Variants in TUNAR observed in about 807,000 individuals in gnomAD.
TUNAR encodes the protein transmembrane neural differentiation associated intracellular calcium regulator, also known as protein TUNAR.
chr14:95,906,146 A>G (rs1889423666), intron 2 of TUNAR, among the ~76,000 whole-genome samples: 1 of 152,194 alleles, frequency 6.6e-6, no homozygotes, highest in Admixed American at 6.5e-5. Context: ...CACTTCTCCA[A>G]GGAGCCCTGG....
chr14:95,918,669 C>T (rs1217703640), intron 2 of TUNAR, among the ~76,000 whole-genome samples: 1 of 152,180 alleles, frequency 6.6e-6, no homozygotes, highest in African/African-American at 2.4e-5. Context: ...ACACAGCTGA[C>T]CTGATTATTC....
At chr14:95,911,123 C>T (rs1471884757) in intron 2 of TUNAR, among the ~76,000 whole-genome samples, 2 of 152,354 alleles carry the variant, frequency 1.3e-5, no homozygotes, top group African/African-American at 2.4e-5. Context: ...GCATGACTTA[C>T]AAGGGCCTCT....
intron 2 of TUNAR, among the ~76,000 whole-genome samples, chr14:95,904,317 AC>A (rs1334866519): frequency 6.6e-6 from 1 of 152,094 alleles, no homozygotes; most frequent in East Asian, 1.9e-4. Flanking sequence ...GACAGACTGA[AC>A]CCAGGCAAGC....
intron 2 of TUNAR, among the ~76,000 whole-genome samples, chr14:95,894,226 TC>T (rs1793396952): frequency 6.6e-6 from 1 of 152,240 alleles, no homozygotes; most frequent in Admixed American, 6.5e-5. Context: ...GGTCTAGATC[TC>T]CTTTCAATGA....
At chr14:95,877,150 C>G (rs930502678) in exon 2 of TUNAR, 14 of 152,348 alleles carry the variant, frequency 9.2e-5, no homozygotes, top group African/African-American at 3.1e-4. Flanking sequence ...CCCGCGCGCC[C>G]CTCAACCGCC....
intron 2 of TUNAR, among the ~76,000 whole-genome samples, chr14:95,921,525 A>G (rs1889696676): frequency 6.6e-6 from 1 of 152,228 alleles, no homozygotes; most frequent in Non-Finnish European, 1.5e-5. Flanking sequence ...TCGAAAATAA[A>G]AAGTTATTTT....
intron 2 of TUNAR, among the ~76,000 whole-genome samples, chr14:95,889,862 C>A (rs1158097291): frequency 1.3e-5 from 2 of 151,968 alleles, no homozygotes. Context: ...ATCCGTGAAT[C>A]CTCCACTCAA....
intron 2 of TUNAR, among the ~76,000 whole-genome samples, chr14:95,885,990 C>G (rs554440248): frequency 1.3e-5 from 2 of 152,114 alleles, no homozygotes; most frequent in East Asian, 1.9e-4. Flanking sequence ...TGCTGGGGCT[C>G]GGAAGGAAAG....
At chr14:95,890,728 C>T (rs575526405) in intron 2 of TUNAR, among the ~76,000 whole-genome samples, 2 of 152,334 alleles carry the variant, frequency 1.3e-5, no homozygotes, top group East Asian at 3.9e-4. Flanking sequence ...TTAATCTGCC[C>T]TCTCTCATCA....
chr14:95,912,477 A>G (rs1595124459), intron 2 of TUNAR, among the ~76,000 whole-genome samples: 2 of 152,360 alleles, frequency 1.3e-5, no homozygotes, highest in East Asian at 3.9e-4. Context: ...TTTGAAATAT[A>G]AAAGAACTAG....
intron 2 of TUNAR, among the ~76,000 whole-genome samples, chr14:95,909,961 C>A (rs920430799): frequency 6.6e-6 from 1 of 152,138 alleles, no homozygotes; most frequent in Admixed American, 6.5e-5. Flanking sequence ...GGTTAGAGCC[C>A]CAGCAGGCGG....
intron 2 of TUNAR, among the ~76,000 whole-genome samples, chr14:95,913,309 C>T (rs1889548409): frequency 6.6e-6 from 1 of 152,026 alleles, no homozygotes; most frequent in African/African-American, 2.4e-5. Flanking sequence ...TAATGCTCTC[C>T]CTCCCCTTGT....
At position 95,895,578 on chromosome 14, in the gene TUNAR, G is replaced by A. The variant is rs1006303626; in HGVS notation, c.12+18401G>A. 1.3e-5 allele frequency among the ~76,000 whole-genome samples: 2 copies of A among 152,112 alleles called. No homozygotes were observed. Among genetic ancestry groups the A allele is most frequent in the Admixed American group, 6.5e-5 (1 of 15,276 alleles). ...GACGCATCCTCCAGGATCATGGTTCGCTCAGCCTCACATTGCTACAAAGTG... is the reference window on the plus strand; with the variant it reads ...GACGCATCCTCCAGGATCATGGTTCACTCAGCCTCACATTGCTACAAAGTG... On this transcript the variant is annotated intron_variant, in intron 2 of 2. Transcript: ENST00000678517. This position sits in a 1 kb window ranked among gnomAD's most constrained non-coding sequence, Gnocchi z 4.5.
intron 2 of TUNAR, among the ~76,000 whole-genome samples, chr14:95,919,433 G>A (rs751629152): frequency 6.6e-6 from 1 of 152,256 alleles, no homozygotes; most frequent in Non-Finnish European, 1.5e-5. Context: ...TTTAGGCCAA[G>A]CATGGTGGCT....
At chr14:95,891,661 G>C (rs184210347) in intron 2 of TUNAR, among the ~76,000 whole-genome samples, 1 of 152,346 alleles carries the variant, frequency 6.6e-6, no homozygotes, top group East Asian at 1.9e-4. Context: ...AGCTGTTCCT[G>C]ATCTTGGCTC....
intron 2 of TUNAR, among the ~76,000 whole-genome samples, chr14:95,922,199 G>A (rs1889708237): frequency 6.6e-6 from 1 of 152,068 alleles, no homozygotes; most frequent in Non-Finnish European, 1.5e-5. Flanking sequence ...TTTCTACCAG[G>A]GATTATGAGA....
intron 2 of TUNAR, among the ~76,000 whole-genome samples, chr14:95,901,542 T>C (rs755043121): frequency 6.6e-6 from 1 of 152,208 alleles, no homozygotes; most frequent in Non-Finnish European, 1.5e-5. Flanking sequence ...GGATTTGGGC[T>C]CAGGACAGCC....
intron 2 of TUNAR, among the ~76,000 whole-genome samples, chr14:95,880,513 T>C (rs11621941): frequency 0.17 from 25,479 of 152,134 alleles, 2,275 homozygotes; most frequent in African/African-American, 0.23. Flanking sequence ...ATGCAAGAAC[T>C]ATTATGTAAT....
Position 95,886,909 on chromosome 14 carries a change from A to G in TUNAR, c.12+9732A>G, listed in dbSNP as rs181470368. Among the ~76,000 whole-genome samples the G allele has an allele frequency of 4.1e-4, 62 of 152,250 alleles. 1 individual carries two copies. The highest frequency in any genetic ancestry group is 1.4e-3 in the African/African-American group (58 of 41,546). On this transcript the variant is annotated intron_variant, in intron 2 of 2. Coordinates refer to ENST00000678517, the Ensembl canonical transcript of TUNAR. ...TCATCTGTCTTCCCTCTTGGAACCC[A>G]GGCCCAGAGCCAGGGGGCTGGGCAT...
Sources: allele counts gnomAD v4.1 joint callset (sites outside exome capture counted in the v4.1 genomes callset), GRCh38; gene constraint gnomAD v4.1.1; non-coding constraint Gnocchi (gnomAD v3.1); transcripts MANE v1.5; gene names NCBI Gene and HGNC (gene_info 2026-07-23, HGNC 2026-07-21).